Variants in AHNAK2 observed in about 807,000 individuals in gnomAD.
The protein encoded by AHNAK2 is AHNAK nucleoprotein 2.
In AHNAK2, 18 loss-of-function variants were observed where a neutral mutation model predicts 30.7. That is an observed-to-expected ratio of 0.59 (90% confidence interval 0.41 to 0.87). AHNAK2 has a LOEUF of 0.87. AHNAK2 is among the 40% of genes least tolerant of loss of function. AHNAK2 has a pLI of 0.00. For synonymous variants in AHNAK2, 3,590 were observed against 3,073.8 expected (o/e 1.17, Z -5.56); for missense variants, 8,604 against 7,373.0 (o/e 1.17, Z -6.11).
chr14:104,968,831 G>A (rs924325932), intron 1 of AHNAK2, among the ~76,000 whole-genome samples: 1 of 152,214 alleles, frequency 6.6e-6, no homozygotes, highest in Non-Finnish European at 1.5e-5. Flanking sequence ...TAGGGCGTGT[G>A]TGCACTTGTG....
rs544352456 is a variant in AHNAK2, at chr14:104,947,897, G to T, written c.7554C>A (p.Ser2518Arg). The change falls in exon 7 of 7, where the codon AGC becomes AGA. Residue 2518 changes from serine to arginine, a missense_variant. Ser to Arg is a moderately radical substitution (Grantham distance 110). Coordinates refer to ENST00000333244, the MANE Select transcript of AHNAK2 (RefSeq NM_138420.4). ...VSAPKVEADG[S>R]LSSMQGDLKA... Reference sequence around the variant, plus strand: ...TGAGGTCCCCCTGCATGGAGGAGAGGCTCCCGTCGGCCTCCACCTTCGGCG... The same window carrying T: ...TGAGGTCCCCCTGCATGGAGGAGAGTCTCCCGTCGGCCTCCACCTTCGGCG... 6 of 1,612,586 alleles carry T rather than the reference G, an allele frequency of 3.7e-6. No individual in the cohort carries two copies. Among genetic ancestry groups the T allele is most frequent in the Middle Eastern group, 1.7e-4 (1 of 6,048 alleles).
At chr14:104,974,158 G>A (rs1899542885) in intron 1 of AHNAK2, among the ~76,000 whole-genome samples, 1 of 152,252 alleles carries the variant, frequency 6.6e-6, no homozygotes. Context: ...GCCTGGTGGA[G>A]ACACCCTCAA....
chr14:104,953,733 C>T lies in AHNAK2; in HGVS notation c.1718G>A (p.Arg573Lys). ...TRITEEQDKG[R>K]EDTEGQIRMP... ...TCTTATCTGTCCTTCTGTGTCTTCC[C>T]TGCCCTTGTCCTGTTCCTCAGTGAT... is the stretch of plus-strand genomic sequence containing the variant. Residue 573 changes from arginine (R) to lysine (K), a missense_variant, in exon 7 of 7, where the codon AGG (arginine) becomes AAG (lysine). Arg to Lys is a conservative substitution (Grantham distance 26). Transcript: ENST00000333244. 1 of 1,613,914 alleles carries T rather than the reference C, an allele frequency of 6.2e-7. No homozygotes were observed. The highest frequency in any genetic ancestry group is 1.3e-5 in the African/African-American group (1 of 75,010).
rs774493308 is a variant in AHNAK2, at chr14:104,944,084, C to T, written c.11367G>A (p.Leu3789=). ...KLDSAQLEGD[L]SLADKDVTAK... ...CAGTCACATCCTTGTCGGCCAGGGA[C>T]AGGTCCCCCTCCAGCTGTGCACTAT... Residue 3789 remains leucine, a synonymous_variant, in exon 7 of 7, where the codon CTG becomes CTA. Transcript: ENST00000333244. 1.2e-6 allele frequency: 2 copies of T among 1,613,420 alleles called. No individual in the cohort carries two copies. The highest frequency in any genetic ancestry group is 2.2e-5 in the South Asian group (2 of 91,050).
At position 104,953,817 on chromosome 14, in the gene AHNAK2, G is replaced by C. The variant is rs368981536; in HGVS notation, c.1634C>G (p.Thr545Arg). ...TTCATCCCCCTGTGCTTCTGCATGT[G>C]TGGTTGGTTCCCTGCCCGGCATCCA... ...AGWMPGREPT[T>R]HAEAQGDEGD... The change falls in exon 7 of 7, where the codon ACA becomes AGA. Residue 545 changes from threonine to arginine, a missense_variant. Transcript: ENST00000333244. The C allele has an allele frequency of 6.2e-7, 1 of 1,613,944 alleles. No homozygotes were observed.
chr14:104,956,403 G>A (rs1898975544), intron 4 of AHNAK2, among the ~76,000 whole-genome samples, 185 bp downstream of exon 4: 5 of 152,138 alleles, frequency 3.3e-5, no homozygotes, highest in Admixed American at 3.3e-4. Context: ...ACCAGATGTA[G>A]CCTTCTGGAG....
At chr14:104,956,511 C>T in intron 4 of AHNAK2, 77 bp downstream of exon 4, 2 of 1,483,310 alleles carry the variant, frequency 1.3e-6, no homozygotes, top group Non-Finnish European at 1.9e-6. Context: ...CCCCTGCCTG[C>T]TCTGACCTCG....
At chr14:104,976,946 C>A (rs1282016122) in intron 1 of AHNAK2, among the ~76,000 whole-genome samples, 1 of 152,230 alleles carries the variant, frequency 6.6e-6, no homozygotes, top group Non-Finnish European at 1.5e-5. Context: ...CCACCGGAGC[C>A]ATCATCCTCC....
In AHNAK2 at chr14:104,952,833, T is replaced by G; in HGVS notation, c.2618A>C (p.Gln873Pro). 2 of 1,612,554 alleles carry G rather than the reference T, an allele frequency of 1.2e-6. No homozygotes were observed. Among genetic ancestry groups the G allele is most frequent in the Non-Finnish European group, 1.7e-6 (2 of 1,179,552 alleles). The stretch of plus-strand genomic sequence containing the variant: ...GAGGTCAGTGGCCTTGAGGTCCCCC[T>G]GCATGGAGGAGAGGCTCACGTCGGC... ...VEADVSLSSM[Q>P]GDLKATDLSI... The change falls in exon 7 of 7, where the codon CAG becomes CCG. Residue 873 changes from glutamine to proline, a missense_variant. Gln to Pro is a moderately conservative substitution (Grantham distance 76, BLOSUM62 -1). Transcript: ENST00000333244.
chr14:104,945,136 C>G lies in AHNAK2; in HGVS notation c.10315G>C (p.Val3439Leu), dbSNP rs760627353. 6.2e-7 allele frequency: 1 copy of G among 1,612,746 alleles called. No homozygotes were observed. The highest frequency in any genetic ancestry group is 1.1e-5 in the South Asian group (1 of 91,030). The change falls in exon 7 of 7, where the codon GTG becomes CTG. Residue 3439 changes from valine (V) to leucine (L), a missense_variant. Val to Leu is a conservative substitution (Grantham distance 32). Transcript: ENST00000333244. ...CTCGGGGCCTGGACGTCCACCTCCA[C>G]GCTGGGCAGAGACACCTCCACATCA... ...VPDVEVSLPS[V>L]EVDVQAPRAK...
intron 1 of AHNAK2, among the ~76,000 whole-genome samples, chr14:104,961,430 C>T (rs1053538285): frequency 2.7e-5 from 4 of 148,184 alleles, no homozygotes; most frequent in Non-Finnish European, 6.1e-5. Flanking sequence ...AGGAGAATGG[C>T]GTGAACCCCG....
Position 104,937,914 on chromosome 14 carries a change from A to C in AHNAK2, c.*149T>G. 8 of 799,440 alleles carry C rather than the reference A, an allele frequency of 1.0e-5. No homozygotes were observed. Among genetic ancestry groups the C allele is most frequent in the Non-Finnish European group, 7.5e-6 (4 of 534,984 alleles). 49.5% of individuals were successfully genotyped at this position (799,440 alleles called of 1,614,324 possible). ...TAGGAGGGCTGTGTGATGGTGACAA[A>C]GGTGTTCTGGTCATTTCTGCTCTGT... is the stretch of plus-strand genomic sequence containing the variant. On this transcript the variant is annotated 3_prime_UTR_variant, in exon 7 of 7. Transcript: ENST00000333244.
Position 104,950,542 on chromosome 14 carries a change from C to A in AHNAK2, c.4909G>T (p.Gly1637Cys). The A allele has an allele frequency of 1.3e-6, 2 of 1,585,988 alleles. No homozygotes were observed. The highest frequency in any genetic ancestry group is 1.4e-5 in the African/African-American group (1 of 72,736). ...GACAGGTCCCCCTCCAGCTGCGCAC[C>A]ATCCAGCTTTGCTCTCGGGGCCTGG... ...DVQAPRAKLD[G>C]AQLEGDLSLA... Residue 1637 changes from glycine (G) to cysteine (C), a missense_variant, in exon 7 of 7, where the codon GGT (glycine) becomes TGT (cysteine). Transcript: ENST00000333244.
rs764671498 is a variant in AHNAK2 at position 104,938,460 on chromosome 14, T to TCAA, written c.16988_16990dup (p.Val5663dup). On this transcript the variant is annotated inframe_insertion, in exon 7 of 7. Transcript: ENST00000333244. ...AGATCTCTGGACGTCATTTTTGGAA[T>TCAA]CAACACCTGTCTCATCAACAGAAGA... 3 of 1,613,880 alleles carry TCAA rather than the reference T, an allele frequency of 1.9e-6. No homozygotes were observed. The highest frequency in any genetic ancestry group is 1.7e-6 in the Non-Finnish European group (2 of 1,179,864).
At position 104,952,588 on chromosome 14, in the gene AHNAK2, G is replaced by C; in HGVS notation, c.2863C>G (p.Pro955Ala). ...CTGGGCAGAGACACCTCGCCATCGG[G>C]GGCTGTCACTTCCGCCTTGGGGCCT... The part of the protein sequence containing the change: ...LKGPKAEVTA[P>A]DGEVSLPSME... Residue 955 changes from proline to alanine, a missense_variant, in exon 7 of 7, where the codon CCC becomes GCC. Physicochemically the swap from Pro to Ala is conservative, Grantham distance 27 (BLOSUM62 -1). Transcript: ENST00000333244. 1.2e-6 allele frequency: 2 copies of C among 1,612,792 alleles called. No homozygotes were observed. The highest frequency in any genetic ancestry group is 1.7e-6 in the Non-Finnish European group (2 of 1,179,632).
rs560188310 is a variant in AHNAK2, at chr14:104,945,977, T to C, written c.9474A>G (p.Pro3158=). 1 of 1,257,130 alleles carries C rather than the reference T, an allele frequency of 8.0e-7. No homozygotes were observed. The highest frequency in any genetic ancestry group is 1.9e-5 in the Admixed American group (1 of 53,740). 77.9% of individuals were successfully genotyped at this position (1,257,130 alleles called of 1,614,324 possible). The change falls in exon 7 of 7, where the codon CCA becomes CCG. Residue 3158 remains proline (P), a synonymous_variant. Transcript: ENST00000333244. ...FKMPSFGVSA[P]GKSIEVLVDV... is the part of the protein sequence containing the mutation. Reference sequence around the variant, plus strand: ...CCACCAAGACCTCAATGGACTTGCCTGGGGCAGACACCCCGAACGACGGCA... The same window carrying C: ...CCACCAAGACCTCAATGGACTTGCCCGGGGCAGACACCCCGAACGACGGCA...
chr14:104,977,758 C>G (rs967588253), intron 1 of AHNAK2, among the ~76,000 whole-genome samples: 6 of 152,192 alleles, frequency 3.9e-5, no homozygotes, highest in African/African-American at 7.2e-5. Context: ...GGCTTTCACG[C>G]CCCTTGCAGA....
intron 1 of AHNAK2, among the ~76,000 whole-genome samples, chr14:104,976,517 G>T (rs553968575): frequency 6.6e-6 from 1 of 152,174 alleles, no homozygotes; most frequent in Admixed American, 6.5e-5. Flanking sequence ...TTCCTGGGCC[G>T]CAGGGTTGGG....
At chr14:104,957,767 G>T (rs190030880) in intron 1 of AHNAK2, 95 bp from the exon 2 acceptor site, 1 of 1,273,342 alleles carries the variant, frequency 7.9e-7, no homozygotes, top group Non-Finnish European at 1.1e-6. Context: ...CACTGTGGAG[G>T]TGTCATAGTC....
Sources: gnomAD v4.1 joint callset for allele counts (sites outside exome capture counted in the v4.1 genomes callset) on GRCh38, gnomAD v4.1.1 for gene constraint, MANE v1.5 for transcripts, NCBI Gene and HGNC (gene_info 2026-07-23, HGNC 2026-07-21) for gene names.